Variants in ZDHHC21 observed in about 807,000 individuals in gnomAD.
ZDHHC21 encodes the protein zDHHC palmitoyltransferase 21, also known as palmitoyltransferase ZDHHC21.
ZDHHC21 carries 15 observed loss-of-function variants against 34.6 expected under a neutral mutation model. The ratio of observed to expected loss-of-function variants is 0.43; its 90% CI spans 0.29 to 0.67. The LOEUF (loss-of-function observed/expected upper bound fraction) is 0.67. Among genes scored for constraint, ZDHHC21 ranks in the 30% least tolerant of loss-of-function variants. The probability of loss-of-function intolerance (pLI) is 0.14; values close to 1 mark genes in which losing one functional copy is unlikely to be tolerated. For synonymous variants in ZDHHC21, 142 were observed against 101.8 expected (o/e 1.40, Z -2.38); for missense variants, 344 against 327.7 (o/e 1.05, Z -0.38).
the ZDHHC21 span, among the ~76,000 whole-genome samples, chr9:14,605,912 T>C: frequency 6.6e-6 from 1 of 152,134 alleles, no homozygotes; most frequent in Non-Finnish European, 1.5e-5. Flanking sequence ...ACATTGAAGT[T>C]TGTAAAAATA....
the ZDHHC21 span, among the ~76,000 whole-genome samples, chr9:14,602,598 C>A: frequency 6.6e-6 from 1 of 151,990 alleles, no homozygotes; most frequent in Non-Finnish European, 1.5e-5. Flanking sequence ...AAGAGAAGAG[C>A]ATCAAGTCAC....
intron 2 of ZDHHC21, among the ~76,000 whole-genome samples, chr9:14,682,000 G>C (rs7341892): frequency 0.033 from 5,021 of 152,008 alleles, 292 homozygotes; most frequent in African/African-American, 0.11. Context: ...TGAGAGATTT[G>C]GTCACCACCA....
chr9:14,629,597 C>T (rs1327696677), intron 8 of ZDHHC21, among the ~76,000 whole-genome samples: 1 of 152,130 alleles, frequency 6.6e-6, no homozygotes, highest in Non-Finnish European at 1.5e-5. Context: ...ACACAATGTA[C>T]ATACCTACCT....
the ZDHHC21 span, among the ~76,000 whole-genome samples, chr9:14,593,306 G>C: frequency 6.6e-6 from 1 of 152,158 alleles, no homozygotes; most frequent in Non-Finnish European, 1.5e-5. Flanking sequence ...GAATGAAAGA[G>C]AGGACATCAC....
chr9:14,672,584 T>C (rs1835664313), intron 5 of ZDHHC21, among the ~76,000 whole-genome samples: 2 of 151,848 alleles, frequency 1.3e-5, no homozygotes, highest in Non-Finnish European at 2.9e-5. Context: ...CCTCATACAA[T>C]TACCATGAGG....
chr9:14,599,635 C>T, the ZDHHC21 span, among the ~76,000 whole-genome samples: 1 of 151,886 alleles, frequency 6.6e-6, no homozygotes, highest in Non-Finnish European at 1.5e-5. Flanking sequence ...GGGGCTGAAG[C>T]CAGGGTGCCA....
At chr9:14,644,378 G>C (rs930614283) in intron 7 of ZDHHC21, among the ~76,000 whole-genome samples, 3 of 152,072 alleles carry the variant, frequency 2.0e-5, no homozygotes, top group African/African-American at 7.2e-5. Context: ...TACTGCACTG[G>C]CTAGAATTTC....
chr9:14,616,492 G>A lies in ZDHHC21; in HGVS notation c.*2474C>T, dbSNP rs1018825823. 7.3e-5 allele frequency: 11 copies of A among 151,660 alleles called. No homozygotes were observed. Among genetic ancestry groups the A allele is most frequent in the African/African-American group, 2.4e-4 (10 of 41,350 alleles). 9.4% of individuals were successfully genotyped at this position (151,660 alleles called of 1,614,324 possible). A position where few individuals can be genotyped will look rare whatever the true frequency, so the allele number is the denominator to read the frequency against. On this transcript the variant is annotated 3_prime_UTR_variant, in exon 10 of 10. Coordinates refer to ENST00000380916, the MANE Select transcript of ZDHHC21 (RefSeq NM_178566.6). ...CCTCCTAAGTTTGTACTTTTGATAT[G>A]TTCAGAATGTGGCTATACTATTTAC...
intron 2 of ZDHHC21, among the ~76,000 whole-genome samples, chr9:14,683,322 A>G (rs1837714649): frequency 1.4e-5 from 1 of 72,594 alleles, no homozygotes; most frequent in South Asian, 5.7e-4. Flanking sequence ...TAAAGAAGAA[A>G]AGAGAGAAGA....
chr9:14,658,573 G>A lies in ZDHHC21; in HGVS notation c.504+176C>T, dbSNP rs570319491. 1.9e-4 allele frequency among the ~76,000 whole-genome samples: 25 copies of A among 131,158 alleles called. No individual in the cohort carries two copies. The South Asian group carries it at 4.6e-3, about 24-fold the overall frequency. The allele number at this position is 131,158 out of a possible 152,430, so 86.0% of individuals were successfully genotyped here. A position where few individuals can be genotyped will look rare whatever the true frequency, so the allele number is the denominator to read the frequency against. ...GCAGGCTCCGCCCCCTGGGGTTCAC[G>A]CCATTCTCCTGCCTCAGCCTCCCGA... On this transcript the variant is annotated intron_variant, in intron 7 of 9. Coordinates refer to ENST00000380916, the MANE Select transcript of ZDHHC21 (RefSeq NM_178566.6).
intron 2 of ZDHHC21, among the ~76,000 whole-genome samples, chr9:14,689,926 A>G (rs578255011): frequency 8.3e-4 from 127 of 152,236 alleles, no homozygotes; most frequent in African/African-American, 2.8e-3. Flanking sequence ...GTGTGGGGTG[A>G]TACGAATTAA....
At chr9:14,629,532 T>C (rs1192688969) in intron 8 of ZDHHC21, among the ~76,000 whole-genome samples, 1 of 152,204 alleles carries the variant, frequency 6.6e-6, no homozygotes, top group Non-Finnish European at 1.5e-5. Context: ...TCACTGCATA[T>C]AAATGTTATG....
At chr9:14,622,456 G>T in intron 8 of ZDHHC21, 1 of 897,060 alleles carries the variant, frequency 1.1e-6, no homozygotes, top group Non-Finnish European at 1.3e-6. Flanking sequence ...GATATCTCTT[G>T]GCTTGATGTT....
chr9:14,652,226 A>AT (rs1278231673), intron 7 of ZDHHC21, among the ~76,000 whole-genome samples: 3 of 151,854 alleles, frequency 2.0e-5, no homozygotes, highest in South Asian at 2.1e-4. Context: ...GAATTTGGGG[A>AT]TTTTTTAAGT....
chr9:14,645,143 C>A (rs1830072594), intron 7 of ZDHHC21, among the ~76,000 whole-genome samples: 1 of 151,768 alleles, frequency 6.6e-6, no homozygotes, highest in Admixed American at 6.6e-5. Context: ...GAGAAAATTT[C>A]CATAGGAGGA....
At chr9:14,654,406 A>AG (rs398113286) in intron 7 of ZDHHC21, among the ~76,000 whole-genome samples, 2 of 151,756 alleles carry the variant, frequency 1.3e-5, no homozygotes, top group African/African-American at 4.8e-5. Context: ...TCAAAAAAAA[A>AG]GAGTAAATCA....
the ZDHHC21 span, chr9:14,593,699 C>G: frequency 2.0e-5 from 3 of 152,474 alleles, no homozygotes; most frequent in African/African-American, 7.2e-5. Context: ...CTGGACATGT[C>G]CCTAGTTAAG....
rs571958458 is a variant in ZDHHC21 at position 14,658,344 on chromosome 9, G to GCTTTTGTTGTTTTGTTTCCAAT, written c.504+383_504+404dup. Among the ~76,000 whole-genome samples, 705 of 149,948 alleles carry GCTTTTGTTGTTTTGTTTCCAAT rather than the reference G, an allele frequency of 4.7e-3. 6 individuals are homozygous for GCTTTTGTTGTTTTGTTTCCAAT. Among genetic ancestry groups the GCTTTTGTTGTTTTGTTTCCAAT allele is most frequent in the African/African-American group, 0.015 (592 of 40,628 alleles). ...TCAAAATTCACCAATTTGGGAGTTT[G>GCTTTTGTTGTTTTGTTTCCAAT]CTTTTGTTGTTTTGTTTCCAATCTT... On this transcript the variant is annotated intron_variant, in intron 7 of 9. Transcript: ENST00000380916.
chr9:14,690,046 G>T (rs1291033477), intron 2 of ZDHHC21, among the ~76,000 whole-genome samples: 1 of 152,060 alleles, frequency 6.6e-6, no homozygotes, highest in African/African-American at 2.4e-5. Flanking sequence ...TGTAGGATAG[G>T]GACAGGGATT....
Sources: gnomAD v4.1 joint callset for allele counts (sites outside exome capture counted in the v4.1 genomes callset) on GRCh38, gnomAD v4.1.1 for gene constraint, MANE v1.5 for transcripts, NCBI Gene and HGNC (gene_info 2026-07-23, HGNC 2026-07-21) for gene names.